The following DNAH10 variants were observed in gnomAD, a reference collection of about 807,000 sequenced individuals.
DNAH10 encodes dynein axonemal heavy chain 10, also known as axonemal beta dynein heavy chain 10.
A neutral mutation model predicts 506.6 loss-of-function variants in DNAH10; 348 were observed. That is an observed-to-expected ratio of 0.69 (90% CI 0.63 to 0.75). The LOEUF (loss-of-function observed/expected upper bound fraction) is 0.75. DNAH10 is among the 30% of genes least tolerant of loss of function. The pLI, the probability that DNAH10 is intolerant of heterozygous loss-of-function variation, is 0.00. For synonymous variants in DNAH10, 2,059 were observed against 2,198.6 expected (o/e 0.94, Z 1.78); for missense variants, 5,179 against 5,787.1 (o/e 0.89, Z 3.41).
intron 25 of DNAH10, among the ~76,000 whole-genome samples, chr12:123,829,789 C>A (rs930215877): frequency 1.3e-5 from 2 of 151,974 alleles, no homozygotes; most frequent in Non-Finnish European, 2.9e-5. Context: ...GTTCTGCTGT[C>A]TAGCGTCATG....
rs1052328842 is a variant in DNAH10 at position 123,902,793 on chromosome 12, A to T, written c.9641-146A>T. On this transcript the variant is annotated intron_variant, in intron 56 of 78. Transcript: ENST00000673944. The surrounding 1 kb of genome is among the most constrained non-coding windows in gnomAD (Gnocchi z 4.5). ...TGAGGTTTTCTGTCCCACCAGGATC[A>T]CTGAGGCTGCCACATTGGCCAGAGC... 3.8e-6 allele frequency: 4 copies of T among 1,052,164 alleles called. No individual in the cohort carries two copies. Among genetic ancestry groups the T allele is most frequent in the Admixed American group, 2.9e-5 (1 of 34,142 alleles). 65.2% of individuals were successfully genotyped at this position (1,052,164 alleles called of 1,614,324 possible). A position where few individuals can be genotyped will look rare whatever the true frequency, so the allele number is the denominator to read the frequency against.
At position 123,850,623 on chromosome 12, in the gene DNAH10, G is replaced by A. The variant is rs1330550474; in HGVS notation, c.6103-265G>A. Among the ~76,000 whole-genome samples the A allele has an allele frequency of 6.6e-6, 1 of 152,212 alleles. No homozygotes were observed. Among genetic ancestry groups the A allele is most frequent in the Non-Finnish European group, 1.5e-5 (1 of 68,046 alleles). On this transcript the variant is annotated intron_variant, in intron 34 of 78. Transcript: ENST00000673944. The surrounding 1 kb of genome is among the most constrained non-coding windows in gnomAD (Gnocchi z 5.5). The stretch of plus-strand genomic sequence containing the variant: ...TTCTTGTATCAGCCCCAGACTCTGT[G>A]CTTCGCCAACCTGGGCCCCTTCTCC...
Position 123,851,026 on chromosome 12 carries a change from C to T in DNAH10, c.6241C>T (p.Gln2081Ter). The T allele has an allele frequency of 6.2e-7, 1 of 1,613,518 alleles. No homozygotes were observed. The highest frequency in any genetic ancestry group is 1.3e-5 in the African/African-American group (1 of 75,058). The change falls in exon 35 of 79, where the codon CAG becomes TAG. Residue 2081 changes from glutamine (Q) to a stop codon, truncating the protein, a stop_gained. Coordinates refer to ENST00000673944, the MANE Select transcript of DNAH10 (RefSeq NM_001372106.1). LOFTEE classifies it high-confidence loss of function. ...RPVVVIVPDL[Q>*]QICEIMLFSE... ...TGTGGTCGTGATCGTGCCCGACCTG[C>T]AGCAGATCTGTGAGATCATGCTCTT... is the stretch of plus-strand genomic sequence containing the variant.
intron 36 of DNAH10, among the ~76,000 whole-genome samples, chr12:123,854,825 T>C (rs1438394588): frequency 6.6e-6 from 1 of 152,248 alleles, no homozygotes; most frequent in Non-Finnish European, 1.5e-5. Flanking sequence ...CATCTTTTGC[T>C]TCAAATTAGA....
At chr12:123,877,701 TTG>T in intron 47 of DNAH10, 33 bp from the exon 48 acceptor site, 1 of 1,554,706 alleles carries the variant, frequency 6.4e-7, no homozygotes, top group Non-Finnish European at 8.7e-7. Context: ...TGAAGGACAT[TTG>T]TGTGTTGGGG....
At position 123,935,665 on chromosome 12, in the gene DNAH10, C is replaced by CTACT. The variant is rs1955463779; in HGVS notation, c.*186_*189dup. 1 of 550,342 alleles carries CTACT rather than the reference C, an allele frequency of 1.8e-6. No individual in the cohort carries two copies. Among genetic ancestry groups the CTACT allele is most frequent in the Non-Finnish European group, 3.0e-6 (1 of 336,894 alleles). 34.1% of individuals were successfully genotyped at this position (550,342 alleles called of 1,614,324 possible). On this transcript the variant is annotated 3_prime_UTR_variant, in exon 79 of 79. Coordinates refer to ENST00000673944, the MANE Select transcript of DNAH10 (RefSeq NM_001372106.1). Reference sequence around the variant, plus strand: ...AACCTGAATGGTTTTGTTTTTAATACTACTTTTTAAAAGGAATTTATATAA... The same window carrying CTACT: ...AACCTGAATGGTTTTGTTTTTAATACTACTTACTTTTTAAAAGGAATTTATATAA...
Position 123,853,860 on chromosome 12 carries a change from G to A in DNAH10, c.6438+508G>A, listed in dbSNP as rs1293404359. Among the ~76,000 whole-genome samples the A allele has an allele frequency of 5.4e-5, 8 of 148,254 alleles. No individual in the cohort carries two copies. Among genetic ancestry groups the A allele is most frequent in the Non-Finnish European group, 1.0e-4 (7 of 66,986 alleles). ...CGCACACGCACGGACACACGCACGC[G>A]CACACACACACGGATACATGCACGC... On this transcript the variant is annotated intron_variant, in intron 36 of 78. Transcript: ENST00000673944. The surrounding 1 kb of genome is among the most constrained non-coding windows in gnomAD (Gnocchi z 4.7).
Position 123,851,289 on chromosome 12 carries a change from G to GCTCTTCCA in DNAH10, c.6291+213_6291+214insCTCTTCCA, listed in dbSNP as rs1436184562. ...ACCTAGGATGTGTTAGTTCCATGTG[G>GCTCTTCCA]GTCTTCCAGACTGGGGACCTAGGAT... On this transcript the variant is annotated intron_variant, in intron 35 of 78. Coordinates refer to ENST00000673944, the MANE Select transcript of DNAH10 (RefSeq NM_001372106.1). Among the ~76,000 whole-genome samples the GCTCTTCCA allele has an allele frequency of 2.4e-4, 35 of 146,114 alleles. 1 individual carries two copies. The highest frequency in any genetic ancestry group is 8.9e-4 in the African/African-American group (34 of 38,104).
rs1299522166 is a variant in DNAH10 at position 123,921,167 on chromosome 12, T to C, written c.11506+2218T>C. 2.6e-5 allele frequency among the ~76,000 whole-genome samples: 4 copies of C among 152,198 alleles called. No individual in the cohort carries two copies. In the East Asian group the frequency reaches 7.7e-4, roughly 29 times the overall value. On this transcript the variant is annotated intron_variant, in intron 65 of 78. Coordinates refer to ENST00000673944, the MANE Select transcript of DNAH10 (RefSeq NM_001372106.1). ...TGCTCGCCTCTCTGTAGTGTGTCAT[T>C]GGAGGAACTCTCAAATGCCAATACA...
In DNAH10 at chr12:123,847,982, G is replaced by A; in HGVS notation, c.5836G>A (p.Gly1946Arg). The A allele has an allele frequency of 6.2e-7, 1 of 1,613,324 alleles. No individual in the cohort carries two copies. The highest frequency in any genetic ancestry group is 8.5e-7 in the Non-Finnish European group (1 of 1,179,584). ...LTQALSMYLG[G>R]APAGPAGTGK... ...ACAGGCGCTGTCCATGTATCTAGGTGGGGCCCCCGCCGGCCCAGCAGGAAC... is the reference window on the plus strand; with the variant it reads ...ACAGGCGCTGTCCATGTATCTAGGTAGGGCCCCCGCCGGCCCAGCAGGAAC... The change falls in exon 33 of 79, where the codon GGG (glycine) becomes AGG (arginine). Residue 1946 changes from glycine (G) to arginine (R), a missense_variant. By Grantham distance (125) the Gly-to-Arg change is moderately radical. Around this residue, in one of 3 missense-constraint regions of DNAH10, gnomAD observed 4,844 missense variants for 5,430.5 expected, o/e 0.89. Transcript: ENST00000673944.
Position 123,813,380 on chromosome 12 carries a change from G to C in DNAH10, c.3361G>C (p.Asp1121His). Residue 1121 changes from aspartate to histidine, a missense_variant, in exon 20 of 79, where the codon GAC (aspartate) becomes CAC (histidine). This residue lies in a region of DNAH10 where 4,844 missense variants were observed against 5,430.5 expected (regional missense o/e 0.89). Coordinates refer to ENST00000673944, the MANE Select transcript of DNAH10 (RefSeq NM_001372106.1). ...GCGGTATCGACCTCTCTGGAAATTG[G>C]ACAAAGCTATTGTGATGGAGAAATT... ...WKRYRPLWKL[D>H]KAIVMEKFAA... The C allele has an allele frequency of 6.2e-7, 1 of 1,614,192 alleles. No individual in the cohort carries two copies. The highest frequency in any genetic ancestry group is 8.5e-7 in the Non-Finnish European group (1 of 1,180,040).
At chr12:123,812,932 G>A (rs959129013) in intron 19 of DNAH10, among the ~76,000 whole-genome samples, 6 of 152,160 alleles carry the variant, frequency 3.9e-5, no homozygotes, top group Non-Finnish European at 7.3e-5. Flanking sequence ...TACCATGTCC[G>A]CCCCTTTCCA....
At chr12:123,901,309 A>G (rs1372635705) in intron 56 of DNAH10, among the ~76,000 whole-genome samples, 1 of 151,972 alleles carries the variant, frequency 6.6e-6, no homozygotes, top group Non-Finnish European at 1.5e-5. Context: ...CAGCACGCTC[A>G]CAGCTTAGAC....
chr12:123,857,226 C>G lies in DNAH10; in HGVS notation c.6609C>G (p.Gly2203=). 1 of 1,578,790 alleles carries G rather than the reference C, an allele frequency of 6.3e-7. No individual in the cohort carries two copies. ...TAGAGCAGGTCCTGGAGGAGAACGG[C>G]TACGCGGTCCTACCCATCCAGGTAA... ...DAVEQVLEEN[G]YAVLPIQVDK... is the part of the protein sequence containing the mutation. The change falls in exon 37 of 79, where the codon GGC becomes GGG. Residue 2203 remains glycine, a synonymous_variant. Transcript: ENST00000673944.
intron 5 of DNAH10, among the ~76,000 whole-genome samples, chr12:123,775,205 C>A (rs896911223): frequency 6.6e-6 from 1 of 152,162 alleles, no homozygotes. Flanking sequence ...AGCCTCAACT[C>A]TCAAGTGATC....
At position 123,902,742 on chromosome 12, in the gene DNAH10, C is replaced by A. The variant is rs942381520; in HGVS notation, c.9641-197C>A. Among the ~76,000 whole-genome samples the A allele has an allele frequency of 6.6e-6, 1 of 152,138 alleles. No homozygotes were observed. Among genetic ancestry groups the A allele is most frequent in the Non-Finnish European group, 1.5e-5 (1 of 68,022 alleles). On this transcript the variant is annotated intron_variant, in intron 56 of 78. Coordinates refer to ENST00000673944, the MANE Select transcript of DNAH10 (RefSeq NM_001372106.1). This position sits in a 1 kb window ranked among gnomAD's most constrained non-coding sequence, Gnocchi z 4.5. ...AGGAAGGTCAGAGTCAGGGTGGCTG[C>A]CTAGTGCTGGAGGCCCCACGCATGG...
intron 36 of DNAH10, among the ~76,000 whole-genome samples, chr12:123,854,505 C>T (rs1053680604): frequency 6.6e-6 from 1 of 152,170 alleles, no homozygotes; most frequent in African/African-American, 2.4e-5. Flanking sequence ...CATTCATAGG[C>T]TCAACTGCTG....
chr12:123,793,671 A>G (rs1426891637), intron 11 of DNAH10, among the ~76,000 whole-genome samples: 1 of 152,104 alleles, frequency 6.6e-6, no homozygotes, highest in Admixed American at 6.6e-5. Flanking sequence ...AAAATTCCTG[A>G]ACTATTTCCT....
chr12:123,775,681 G>T (rs770651329), intron 5 of DNAH10, among the ~76,000 whole-genome samples: 1 of 152,136 alleles, frequency 6.6e-6, no homozygotes, highest in Non-Finnish European at 1.5e-5. Context: ...TGGAAATGAA[G>T]GCAGGTTTAA....
Sources: gnomAD v4.1 joint callset for allele counts (sites outside exome capture counted in the v4.1 genomes callset) on GRCh38, gnomAD v4.1.1 for gene constraint, gnomAD v4.1.1 regional missense constraint, Gnocchi (gnomAD v3.1) non-coding constraint, MANE v1.5 for transcripts, NCBI Gene and HGNC (gene_info 2026-07-23, HGNC 2026-07-21) for gene names.